The following AUTS2 variants were observed in gnomAD, a reference collection of about 807,000 sequenced individuals.
The protein encoded by AUTS2 is activator of transcription and developmental regulator AUTS2.
AUTS2 carries 17 observed loss-of-function variants against 112.4 expected under a neutral mutation model. That is an observed-to-expected ratio of 0.15 (90% CI 0.10 to 0.23). The LOEUF (loss-of-function observed/expected upper bound fraction) is 0.23. Ranked by LOEUF, AUTS2 falls within the 10% of genes least tolerant of loss-of-function variation. The probability of loss-of-function intolerance (pLI) is 1.00; values close to 1 mark genes in which losing one functional copy is unlikely to be tolerated. For synonymous variants in AUTS2, 751 were observed against 702.7 expected (o/e 1.07, Z -1.09); for missense variants, 1,510 against 1,701.6 (o/e 0.89, Z 1.98).
chr7:70,662,510 G>T (rs993019277), intron 5 of AUTS2, among the ~76,000 whole-genome samples: 3 of 152,148 alleles, frequency 2.0e-5, no homozygotes, highest in African/African-American at 7.2e-5. Flanking sequence ...AGCGAGAGTT[G>T]TAACTGTATC....
rs1791521360 is a variant in AUTS2 at position 70,346,891 on chromosome 7, T to G, written c.661-88861T>G. On this transcript the variant is annotated intron_variant, in intron 4 of 18. Transcript: ENST00000342771. ...GGTAGAGATAAGTGGCTTTGTGACT[T>G]GGAACAGACAGTAGCCCAAGAAGAC... 2.0e-5 allele frequency among the ~76,000 whole-genome samples: 3 copies of G among 152,294 alleles called. No homozygotes were observed. The South Asian group carries it at 6.2e-4, about 32-fold the overall frequency.
chr7:70,523,111 T>A (rs1445209416), intron 5 of AUTS2, among the ~76,000 whole-genome samples: 2 of 152,190 alleles, frequency 1.3e-5, no homozygotes, highest in African/African-American at 4.8e-5. Context: ...TCAAATGCAA[T>A]AACAGATTTT....
chr7:70,581,219 A>G (rs1001273835), intron 5 of AUTS2, among the ~76,000 whole-genome samples: 7 of 151,984 alleles, frequency 4.6e-5, no homozygotes, highest in Admixed American at 3.9e-4. Context: ...CCCCATCTCT[A>G]CTAAAAATAC....
intron 1 of AUTS2, among the ~76,000 whole-genome samples, chr7:69,777,078 T>TAACCACAGAACAAACCAC (rs2129307468): frequency 6.6e-6 from 1 of 152,350 alleles, no homozygotes; most frequent in South Asian, 2.1e-4. Flanking sequence ...TTAGAAAAAC[T>TAACCACAGAACAAACCAC]TAGTGTTTGA....
At chr7:69,783,506 CA>C (rs1789236879) in intron 1 of AUTS2, among the ~76,000 whole-genome samples, 1 of 151,958 alleles carries the variant, frequency 6.6e-6, no homozygotes, top group Admixed American at 6.6e-5. Context: ...ATTTTTGCGG[CA>C]TCTTTCCAGG....
At chr7:70,272,135 C>T (rs1787722341) in intron 4 of AUTS2, among the ~76,000 whole-genome samples, 1 of 151,490 alleles carries the variant, frequency 6.6e-6, no homozygotes. Context: ...TATGACAAGT[C>T]TGATGTTATG....
At chr7:70,442,026 A>G (rs1435616341) in intron 5 of AUTS2, among the ~76,000 whole-genome samples, 3 of 152,138 alleles carry the variant, frequency 2.0e-5, no homozygotes, top group Non-Finnish European at 4.4e-5. Context: ...GTTTTCAAAT[A>G]GGATATATTT....
chr7:70,676,631 C>G (rs1275095591), intron 5 of AUTS2, among the ~76,000 whole-genome samples: 1 of 152,042 alleles, frequency 6.6e-6, no homozygotes. Flanking sequence ...AATACCAGCA[C>G]TTTGGGAAGC....
At chr7:69,846,935 G>A (rs1248184078) in intron 1 of AUTS2, among the ~76,000 whole-genome samples, 2 of 152,106 alleles carry the variant, frequency 1.3e-5, no homozygotes, top group Non-Finnish European at 2.9e-5. Context: ...AAAACAATAT[G>A]GAGCAAGCTA....
At chr7:70,477,486 C>A (rs957658531) in intron 5 of AUTS2, among the ~76,000 whole-genome samples, 1 of 152,180 alleles carries the variant, frequency 6.6e-6, no homozygotes, top group African/African-American at 2.4e-5. Context: ...CAAGGTTAAA[C>A]TCCCTAGAAG....
At chr7:69,778,637 A>G (rs1789002992) in intron 1 of AUTS2, among the ~76,000 whole-genome samples, 1 of 152,176 alleles carries the variant, frequency 6.6e-6, no homozygotes, top group Non-Finnish European at 1.5e-5. Flanking sequence ...TTAAAGAATG[A>G]TAAATAAAGA....
chr7:69,612,944 A>C (rs1793126177), intron 1 of AUTS2, among the ~76,000 whole-genome samples: 6 of 152,184 alleles, frequency 3.9e-5, no homozygotes, highest in Admixed American at 3.9e-4. Flanking sequence ...CATGAAAAGA[A>C]ATTTTTGAAG....
chr7:70,433,272 C>G (rs1397754077), intron 4 of AUTS2, among the ~76,000 whole-genome samples: 1 of 152,202 alleles, frequency 6.6e-6, no homozygotes, highest in African/African-American at 2.4e-5. Flanking sequence ...TCCCTGCACA[C>G]CAGATCCTTG....
At chr7:70,639,049 A>C (rs1194509240) in intron 5 of AUTS2, among the ~76,000 whole-genome samples, 1 of 152,154 alleles carries the variant, frequency 6.6e-6, no homozygotes, top group East Asian at 1.9e-4. Context: ...CTTAGCCCTG[A>C]CTTTTAAAAT....
intron 1 of AUTS2, among the ~76,000 whole-genome samples, chr7:69,726,620 G>C (rs1786529638): frequency 6.6e-6 from 1 of 151,704 alleles, no homozygotes; most frequent in African/African-American, 2.4e-5. Flanking sequence ...ATAAGAAACT[G>C]CCAAACAGTT....
chr7:70,441,797 TC>T (rs1407952594), intron 5 of AUTS2, among the ~76,000 whole-genome samples: 1 of 152,224 alleles, frequency 6.6e-6, no homozygotes, highest in East Asian at 1.9e-4. Flanking sequence ...AGTCTTATGT[TC>T]CTAACTCAAC....
chr7:70,035,285 G>A (rs1443944947), intron 2 of AUTS2, among the ~76,000 whole-genome samples: 2 of 152,092 alleles, frequency 1.3e-5, no homozygotes, highest in African/African-American at 2.4e-5. Flanking sequence ...TTAGGCAAGT[G>A]ACATGCCTCT....
intron 1 of AUTS2, among the ~76,000 whole-genome samples, chr7:69,673,844 C>A (rs528721733): frequency 6.4e-4 from 97 of 152,180 alleles, no homozygotes; most frequent in African/African-American, 2.3e-3. Context: ...ACTATTAAGC[C>A]AAAAATGAGA....
intron 5 of AUTS2, among the ~76,000 whole-genome samples, chr7:70,554,367 C>G (rs1183512728): frequency 1.3e-5 from 2 of 150,830 alleles, no homozygotes; most frequent in Admixed American, 6.6e-5. Context: ...CTGTGCCCGG[C>G]CTCTTTTTTT....
Sources: allele counts gnomAD v4.1 joint callset (sites outside exome capture counted in the v4.1 genomes callset), GRCh38; gene constraint gnomAD v4.1.1; transcripts MANE v1.5; gene names NCBI Gene and HGNC (gene_info 2026-07-23, HGNC 2026-07-21).